Variants in GNAQ observed in about 807,000 individuals in gnomAD.
GNAQ encodes G protein subunit alpha q.
Under a neutral mutation model 43.9 loss-of-function variants are expected in GNAQ, and 8 were observed. The observed-to-expected ratio is 0.18, with a 90% CI of 0.11 to 0.33. GNAQ has a LOEUF of 0.33. Ranked by LOEUF, GNAQ falls within the 10% of genes least tolerant of loss-of-function variation. The pLI, the probability that GNAQ is intolerant of heterozygous loss-of-function variation, is 1.00. For missense variants in GNAQ, 158 were observed against 450.8 expected (o/e 0.35, Z 5.88); for synonymous variants, 155 against 170.7 (o/e 0.91, Z 0.71).
intron 2 of GNAQ, among the ~76,000 whole-genome samples, chr9:77,872,553 A>G (rs1221158828): frequency 3.3e-5 from 5 of 152,220 alleles, no homozygotes; most frequent in African/African-American, 1.2e-4. Flanking sequence ...AACCCATAAT[A>G]CAAACATATA....
At chr9:77,874,786 G>C (rs531251552) in intron 2 of GNAQ, among the ~76,000 whole-genome samples, 1 of 151,916 alleles carries the variant, frequency 6.6e-6, no homozygotes, top group East Asian at 1.9e-4. Context: ...CACCATGCTT[G>C]ACTAATTTTT....
At chr9:77,954,987 C>G (rs1406929319) in intron 1 of GNAQ, among the ~76,000 whole-genome samples, 1 of 152,114 alleles carries the variant, frequency 6.6e-6, no homozygotes, top group Non-Finnish European at 1.5e-5. Context: ...TAAACCAGGC[C>G]TCTCCTGCAT....
chr9:77,767,008 A>C (rs935022025), intron 5 of GNAQ, among the ~76,000 whole-genome samples: 1 of 152,206 alleles, frequency 6.6e-6, no homozygotes, highest in Non-Finnish European at 1.5e-5. Flanking sequence ...ACATTTGGAA[A>C]GAGATTTTGG....
chr9:77,888,802 T>C (rs1192408252), intron 2 of GNAQ, among the ~76,000 whole-genome samples: 2 of 152,078 alleles, frequency 1.3e-5, no homozygotes, highest in African/African-American at 2.4e-5. Flanking sequence ...CTCTGGATTA[T>C]TCACTAACAA....
intron 5 of GNAQ, among the ~76,000 whole-genome samples, chr9:77,747,826 T>A (rs1282602600): frequency 6.6e-6 from 1 of 152,224 alleles, no homozygotes; most frequent in Non-Finnish European, 1.5e-5. Context: ...TTCTTGAACA[T>A]CTGCTCTGCG....
At chr9:77,861,887 C>T (rs1184799902) in intron 2 of GNAQ, among the ~76,000 whole-genome samples, 1 of 151,962 alleles carries the variant, frequency 6.6e-6, no homozygotes, top group Non-Finnish European at 1.5e-5. Flanking sequence ...CACCTGTAAT[C>T]CCAGCTACTC....
At chr9:77,959,985 A>AGGATGAGAGT (rs1418054393) in intron 1 of GNAQ, among the ~76,000 whole-genome samples, 4 of 152,226 alleles carry the variant, frequency 2.6e-5, no homozygotes, top group African/African-American at 9.6e-5. Context: ...CTCTGAAAGA[A>AGGATGAGAGT]GGATGACAGT....
chr9:77,776,325 T>G (rs1475078822), intron 5 of GNAQ, among the ~76,000 whole-genome samples: 2 of 152,182 alleles, frequency 1.3e-5, no homozygotes, highest in South Asian at 2.1e-4. Flanking sequence ...CCAAACTACA[T>G]GCTGGCTACA....
chr9:78,005,727 C>T (rs1823698058), intron 1 of GNAQ, among the ~76,000 whole-genome samples: 1 of 152,150 alleles, frequency 6.6e-6, no homozygotes, highest in Non-Finnish European at 1.5e-5. Flanking sequence ...CAGAGCACTC[C>T]ACCTTAACCA....
chr9:78,013,876 T>C lies in GNAQ; in HGVS notation c.136+17224A>G, dbSNP rs766320832. Among the ~76,000 whole-genome samples, 3 of 152,142 alleles carry C rather than the reference T, an allele frequency of 2.0e-5. No homozygotes were observed. The East Asian group carries it at 5.8e-4, about 29-fold the overall frequency. ...TTGTGGCAGAGTTGAGTAGTTCTAATAGAAGCCATATAGCCCAAAAGCCAA... is the reference window on the plus strand; with the variant it reads ...TTGTGGCAGAGTTGAGTAGTTCTAACAGAAGCCATATAGCCCAAAAGCCAA... On this transcript the variant is annotated intron_variant, in intron 1 of 6. Coordinates refer to ENST00000286548, the MANE Select transcript of GNAQ (RefSeq NM_002072.5).
chr9:77,967,624 C>CT (rs1239522798), intron 1 of GNAQ, among the ~76,000 whole-genome samples: 1 of 152,096 alleles, frequency 6.6e-6, no homozygotes, highest in African/African-American at 2.4e-5. Flanking sequence ...AATCTATAGG[C>CT]ATATTAGGTA....
intron 1 of GNAQ, among the ~76,000 whole-genome samples, chr9:78,030,042 G>C (rs1824030582): frequency 6.6e-6 from 1 of 152,066 alleles, no homozygotes; most frequent in South Asian, 2.1e-4. Context: ...GCATTTTCTT[G>C]CTAACTTAGT....
chr9:77,775,714 T>C (rs1368962997), intron 5 of GNAQ, among the ~76,000 whole-genome samples: 1 of 152,180 alleles, frequency 6.6e-6, no homozygotes, highest in African/African-American at 2.4e-5. Flanking sequence ...TCTCTCTTTT[T>C]ATCTTTGCCA....
chr9:77,977,722 C>T (rs972689056), intron 1 of GNAQ, among the ~76,000 whole-genome samples: 1 of 152,164 alleles, frequency 6.6e-6, no homozygotes, highest in African/African-American at 2.4e-5. Context: ...ATAGGAGGAA[C>T]ATTTTCACTT....
intron 3 of GNAQ, among the ~76,000 whole-genome samples, chr9:77,811,692 T>C (rs1023231702): frequency 6.6e-6 from 1 of 152,004 alleles, no homozygotes; most frequent in Non-Finnish European, 1.5e-5. Flanking sequence ...CTAAGGAAAA[T>C]GTAAAGTGCT....
chr9:78,027,842 T>G (rs1261113491), intron 1 of GNAQ, among the ~76,000 whole-genome samples: 3 of 151,654 alleles, frequency 2.0e-5, no homozygotes, highest in African/African-American at 7.3e-5. Flanking sequence ...TCTTCCTATT[T>G]GATAATTAAG....
intron 1 of GNAQ, 63 bp downstream of exon 1, chr9:78,031,037 C>T (rs1051528854): frequency 5.7e-6 from 7 of 1,229,412 alleles, no homozygotes; most frequent in African/African-American, 1.6e-5. Context: ...GCAGCTGCCC[C>T]GCAGGGCCAA....
At chr9:77,910,850 A>T (rs1828789743) in intron 2 of GNAQ, among the ~76,000 whole-genome samples, 1 of 152,204 alleles carries the variant, frequency 6.6e-6, no homozygotes, top group African/African-American at 2.4e-5. Flanking sequence ...CAGAGACATT[A>T]ATTTGCTTAA....
At chr9:77,810,618 C>T (rs1000806050) in intron 3 of GNAQ, among the ~76,000 whole-genome samples, 9 of 152,176 alleles carry the variant, frequency 5.9e-5, no homozygotes, top group Non-Finnish European at 1.2e-4. Flanking sequence ...TGAATGCCTT[C>T]GGCTCTAAAG....
Sources: allele counts gnomAD v4.1 joint callset (sites outside exome capture counted in the v4.1 genomes callset), GRCh38; gene constraint gnomAD v4.1.1; transcripts MANE v1.5; gene names NCBI Gene and HGNC (gene_info 2026-07-23, HGNC 2026-07-21).